COMMD10: variants seen among roughly 807,000 people sequenced by gnomAD.
The protein encoded by COMMD10 is COMM domain-containing protein 10.
A neutral mutation model predicts 28.9 loss-of-function variants in COMMD10; 33 were observed. That is an observed-to-expected ratio of 1.14 (90% CI 0.87 to 1.53). COMMD10 has a LOEUF of 1.53. COMMD10 is among the 40% of genes most tolerant of loss of function. The pLI is 0.00. For missense variants in COMMD10, 310 were observed against 233.4 expected (o/e 1.33, Z -2.14); for synonymous variants, 110 against 81.7 (o/e 1.35, Z -1.87).
intron 4 of COMMD10, among the ~76,000 whole-genome samples, chr5:116,122,802 G>C (rs1433373477): frequency 6.6e-6 from 1 of 152,326 alleles, no homozygotes; most frequent in East Asian, 1.9e-4. Flanking sequence ...ATATAGAAAT[G>C]CTTGTGGTTT....
intron 5 of COMMD10, among the ~76,000 whole-genome samples, chr5:116,214,617 G>A (rs543314004): frequency 1.3e-5 from 2 of 152,036 alleles, no homozygotes; most frequent in South Asian, 4.2e-4. Flanking sequence ...GCAATTAATG[G>A]GTGCTTAATA....
intron 5 of COMMD10, among the ~76,000 whole-genome samples, chr5:116,268,797 C>G (rs185869194): frequency 1.1e-4 from 16 of 151,658 alleles, no homozygotes; most frequent in Admixed American, 3.9e-4. Flanking sequence ...GTCCTTTGTA[C>G]GGACATGGAT....
intron 5 of COMMD10, among the ~76,000 whole-genome samples, chr5:116,160,635 A>G (rs1046006407): frequency 6.6e-6 from 1 of 152,122 alleles, no homozygotes; most frequent in African/African-American, 2.4e-5. Flanking sequence ...AGTACAAAGT[A>G]ATGCCTGTAT....
intron 5 of COMMD10, among the ~76,000 whole-genome samples, chr5:116,237,285 C>A (rs1381192739): frequency 6.6e-6 from 1 of 152,028 alleles, no homozygotes; most frequent in East Asian, 1.9e-4. Flanking sequence ...CTAGTCTAGA[C>A]TTTGTAGGCT....
chr5:116,157,357 G>A (rs1265723973), intron 5 of COMMD10, among the ~76,000 whole-genome samples: 3 of 152,168 alleles, frequency 2.0e-5, no homozygotes, highest in African/African-American at 7.2e-5. Flanking sequence ...GTCTGTAGGT[G>A]GGCAAGGCAG....
At chr5:116,089,511 T>C (rs1267593458) in intron 2 of COMMD10, among the ~76,000 whole-genome samples, 2 of 152,258 alleles carry the variant, frequency 1.3e-5, no homozygotes, top group African/African-American at 4.8e-5. Flanking sequence ...ATACATGTCT[T>C]TTGTTCTTCA....
At chr5:116,121,159 GTGTGA>G (rs1561612980) in intron 4 of COMMD10, among the ~76,000 whole-genome samples, 1 of 151,658 alleles carries the variant, frequency 6.6e-6, no homozygotes, top group East Asian at 1.9e-4. Context: ...CAGGCCCCGT[GTGTGA>G]TGTTCCCCTT....
intron 4 of COMMD10, among the ~76,000 whole-genome samples, chr5:116,122,004 A>G (rs1474689356): frequency 1.3e-5 from 2 of 152,142 alleles, no homozygotes; most frequent in Non-Finnish European, 2.9e-5. Context: ...CCATTTGACT[A>G]TTTTGGCTTT....
At chr5:116,285,108 A>T (rs568043158) in intron 5 of COMMD10, among the ~76,000 whole-genome samples, 1 of 152,004 alleles carries the variant, frequency 6.6e-6, no homozygotes, top group East Asian at 1.9e-4. Flanking sequence ...TCCTCCTAAA[A>T]ATGCAATGAC....
At chr5:116,181,808 T>A (rs1283154667) in intron 5 of COMMD10, among the ~76,000 whole-genome samples, 1 of 152,074 alleles carries the variant, frequency 6.6e-6, no homozygotes, top group African/African-American at 2.4e-5. Context: ...TAGGATATTA[T>A]AAAATTGGCC....
Position 116,152,687 on chromosome 5 carries a change from T to A in COMMD10, c.510+18509T>A, listed in dbSNP as rs114966586. Among the ~76,000 whole-genome samples, 695 of 152,250 alleles carry A rather than the reference T, an allele frequency of 4.6e-3. 1 individual carries two copies. Among genetic ancestry groups the A allele is most frequent in the Non-Finnish European group, 6.6e-3 (452 of 68,014 alleles). ...TGCTAGTTACAGCATGGTCTTTTTT[T>A]AAAATGAGAAACCAGAAGTTTTTCT... is the stretch of plus-strand genomic sequence containing the variant. On this transcript the variant is annotated intron_variant, in intron 5 of 6. Transcript: ENST00000274458.
chr5:116,269,655 A>T (rs951260438), intron 5 of COMMD10, among the ~76,000 whole-genome samples: 2 of 151,790 alleles, frequency 1.3e-5, no homozygotes, highest in African/African-American at 4.9e-5. Context: ...GATTCATCTC[A>T]AATATTTTAG....
intron 5 of COMMD10, among the ~76,000 whole-genome samples, chr5:116,203,195 G>T (rs1375426611): frequency 1.3e-5 from 2 of 152,014 alleles, no homozygotes; most frequent in Non-Finnish European, 2.9e-5. Flanking sequence ...AGAGAAAAAA[G>T]AATAAAAAGA....
chr5:116,233,601 A>G (rs1031365), intron 5 of COMMD10, among the ~76,000 whole-genome samples: 128,751 of 152,152 alleles, frequency 0.85, 55,050 homozygotes, highest in Admixed American at 0.92. Flanking sequence ...GTCAAGGAAG[A>G]CCTCACTGAT....
intron 5 of COMMD10, among the ~76,000 whole-genome samples, chr5:116,176,274 G>T (rs1033035209): frequency 6.6e-6 from 1 of 152,128 alleles, no homozygotes; most frequent in African/African-American, 2.4e-5. Flanking sequence ...ACCACGCCTA[G>T]CTGATTGTTT....
At position 116,293,138 on chromosome 5, in the gene COMMD10, T is replaced by A; in HGVS notation, c.*649T>A. 1 of 394,684 alleles carries A rather than the reference T, an allele frequency of 2.5e-6. No homozygotes were observed. The highest frequency in any genetic ancestry group is 4.5e-6 in the Non-Finnish European group (1 of 223,464). The allele number at this position is 394,684 out of a possible 1,614,324, so 24.4% of individuals were successfully genotyped here. ...CTTTATACTGCAAATTAATAATGATTCACTTTATAGTTTGGGAGACAGAAT... is the reference window on the plus strand; with the variant it reads ...CTTTATACTGCAAATTAATAATGATACACTTTATAGTTTGGGAGACAGAAT... On this transcript the variant is annotated 3_prime_UTR_variant, in exon 7 of 7. Coordinates refer to ENST00000274458, the MANE Select transcript of COMMD10 (RefSeq NM_016144.4).
At chr5:116,284,496 A>T (rs1751166887) in intron 5 of COMMD10, among the ~76,000 whole-genome samples, 1 of 151,890 alleles carries the variant, frequency 6.6e-6, no homozygotes, top group African/African-American at 2.4e-5. Flanking sequence ...ATTCAGTATG[A>T]CATAATATGC....
At position 116,293,206 on chromosome 5, in the gene COMMD10, C is replaced by A. The variant is rs923060925; in HGVS notation, c.*717C>A. 4 of 386,550 alleles carry A rather than the reference C, an allele frequency of 1.0e-5. No individual in the cohort carries two copies. The highest frequency in any genetic ancestry group is 1.8e-5 in the Non-Finnish European group (4 of 218,686). 23.9% of individuals were successfully genotyped at this position (386,550 alleles called of 1,614,324 possible). On this transcript the variant is annotated 3_prime_UTR_variant, in exon 7 of 7. Coordinates refer to ENST00000274458, the MANE Select transcript of COMMD10 (RefSeq NM_016144.4). ...AATTGTAATGAGTGCTAAATGGGCA[C>A]CATTATTCGAATCAGATACCTTTTA... is the stretch of plus-strand genomic sequence containing the variant.
At chr5:116,255,460 T>C (rs1193118340) in intron 5 of COMMD10, among the ~76,000 whole-genome samples, 3 of 151,672 alleles carry the variant, frequency 2.0e-5, no homozygotes, top group Admixed American at 6.6e-5. Context: ...CCGTGTTTAG[T>C]GCTTCCTTCA....
Sources: gnomAD v4.1 joint callset for allele counts (sites outside exome capture counted in the v4.1 genomes callset) on GRCh38, gnomAD v4.1.1 for gene constraint, MANE v1.5 for transcripts, NCBI Gene and HGNC (gene_info 2026-07-23, HGNC 2026-07-21) for gene names.